Variants in SDC1 observed in about 807,000 individuals in gnomAD.
SDC1 encodes the protein syndecan-1.
A neutral mutation model predicts 29.7 loss-of-function variants in SDC1; 14 were observed. The observed-to-expected ratio is 0.47, with a 90% CI of 0.31 to 0.74. The LOEUF (loss-of-function observed/expected upper bound fraction) is 0.74. Among genes scored for constraint, SDC1 ranks in the 30% least tolerant of loss-of-function variants. The pLI, the probability that SDC1 is intolerant of heterozygous loss-of-function variation, is 0.05. For synonymous variants in SDC1, 204 were observed against 175.5 expected (o/e 1.16, Z -1.29); for missense variants, 406 against 400.3 (o/e 1.01, Z -0.12).
rs1470212547 is a variant in SDC1 at position 20,224,882 on chromosome 2, C to T, written c.-15G>A. 2 of 1,218,726 alleles carry T rather than the reference C, an allele frequency of 1.6e-6. No homozygotes were observed. The highest frequency in any genetic ancestry group is 2.0e-6 in the Non-Finnish European group (2 of 980,628). 75.5% of individuals were successfully genotyped at this position (1,218,726 alleles called of 1,614,324 possible). ...GCGCGCCTCATGCTGCCCGGACCGG[C>T]GGCGGGAGAGCGGCAGGCTGCGCGG... On this transcript the variant is annotated 5_prime_UTR_variant, in exon 1 of 5. Transcript: ENST00000254351. This position sits in a 1 kb window ranked among gnomAD's most constrained non-coding sequence, Gnocchi z 4.9.
chr2:20,209,762 C>T (rs566407961), intron 1 of SDC1, among the ~76,000 whole-genome samples: 1 of 152,382 alleles, frequency 6.6e-6, no homozygotes, highest in South Asian at 2.1e-4. Flanking sequence ...AGCCCCTTGT[C>T]CTGGCCAGCC....
rs189573954 is a variant in SDC1 at position 20,218,444 on chromosome 2, A to C, written c.66+6358T>G. 2.0e-5 allele frequency among the ~76,000 whole-genome samples: 3 copies of C among 152,326 alleles called. No individual in the cohort carries two copies. In the East Asian group the frequency reaches 5.8e-4, roughly 29 times the overall value. ...CCCAAAACTGAGACTGCAGCCTGAC[A>C]GGGGAAGGCAAGTCAGGAGTGCCCA... is the stretch of plus-strand genomic sequence containing the variant. On this transcript the variant is annotated intron_variant, in intron 1 of 4. Coordinates refer to ENST00000254351, the MANE Select transcript of SDC1 (RefSeq NM_002997.5).
At chr2:20,221,817 AGAGACTTAAACCGCTCCACC>A (rs1280447270) in intron 1 of SDC1, among the ~76,000 whole-genome samples, 1 of 152,152 alleles carries the variant, frequency 6.6e-6, no homozygotes, top group Non-Finnish European at 1.5e-5. Context: ...AGCCACAGGT[AGAGACTTAAACCGCTCCACC>A]CTCCCTGTAG....
rs1364238481 is a variant in SDC1, at chr2:20,204,212, C to T, written c.228G>A (p.Thr76=). The change falls in exon 3 of 5, where the codon ACG becomes ACA. Residue 76 remains threonine, a synonymous_variant. Transcript: ENST00000254351. The part of the protein sequence containing the change: ...KDTQLLTAIP[T]SPEPTGLEAT... ...CCTCCAGGCCGGTGGGTTCTGGAGA[C>T]GTGGGAATAGCCGTCAGGAGCTGCG... The T allele has an allele frequency of 1.3e-5, 20 of 1,597,732 alleles. No homozygotes were observed. Among genetic ancestry groups the T allele is most frequent in the Admixed American group, 1.7e-5 (1 of 59,748 alleles).
Position 20,224,968 on chromosome 2 carries a change from C to T in SDC1, c.-101G>A, listed in dbSNP as rs958621887. On this transcript the variant is annotated 5_prime_UTR_variant, in exon 1 of 5. Transcript: ENST00000254351. This position sits in a 1 kb window ranked among gnomAD's most constrained non-coding sequence, Gnocchi z 4.9. Reference sequence around the variant, plus strand: ...CTCGATGCTCTCTTGGGCGCCTGCCCAGCGCGCCGCTGTCCCAGGCGAGGG... The same window carrying T: ...CTCGATGCTCTCTTGGGCGCCTGCCTAGCGCGCCGCTGTCCCAGGCGAGGG... 2 of 1,182,126 alleles carry T rather than the reference C, an allele frequency of 1.7e-6. No individual in the cohort carries two copies. Among genetic ancestry groups the T allele is most frequent in the Non-Finnish European group, 2.1e-6 (2 of 955,684 alleles). The allele number at this position is 1,182,126 out of a possible 1,614,324, so 73.2% of individuals were successfully genotyped here.
chr2:20,209,469 G>A (rs1479588410), intron 1 of SDC1, among the ~76,000 whole-genome samples: 4 of 152,222 alleles, frequency 2.6e-5, no homozygotes, highest in Non-Finnish European at 4.4e-5. Flanking sequence ...GAGTTTCACT[G>A]AGCTGGAGTC....
At chr2:20,223,367 G>A in intron 1 of SDC1, 1 of 1,121,934 alleles carries the variant, frequency 8.9e-7, no homozygotes, top group South Asian at 1.3e-5. Flanking sequence ...GCTGAGACTT[G>A]TCCAGATGCC....
Position 20,204,276 on chromosome 2 carries a change from A to G in SDC1, c.164T>C (p.Ile55Thr), listed in dbSNP as rs745591068. ...SGSGAGALQD[I>T]TLSQQTPSTW... ...GGAGGGGGTCTGCTGTGACAAGGTG[A>G]TATCTTGCAAAGCACCTGCAGGACC... The change falls in exon 3 of 5, where the codon ATC (isoleucine) becomes ACC (threonine). Residue 55 changes from isoleucine (I) to threonine (T), a missense_variant. By Grantham distance (89) the Ile-to-Thr change is moderately conservative. Coordinates refer to ENST00000254351, the MANE Select transcript of SDC1 (RefSeq NM_002997.5). The G allele has an allele frequency of 1.5e-5, 23 of 1,519,366 alleles. No individual in the cohort carries two copies. The highest frequency in any genetic ancestry group is 6.7e-5 in the South Asian group (6 of 89,802). 94.1% of individuals were successfully genotyped at this position (1,519,366 alleles called of 1,614,324 possible).
rs1368561417 is a variant in SDC1, at chr2:20,203,883, G to A, written c.557C>T (p.Ser186Phe). 1 of 1,612,116 alleles carries A rather than the reference G, an allele frequency of 6.2e-7. No individual in the cohort carries two copies. The highest frequency in any genetic ancestry group is 2.2e-5 in the East Asian group (1 of 44,856). The part of the protein sequence containing the change: ...HTPHTEDGGP[S>F]ATERAAEDGA... The stretch of plus-strand genomic sequence containing the variant: ...ATCCTCAGCAGCCCTCTCGGTGGCA[G>A]AAGGACCTCCATCCTCTGTGTGGGG... The change falls in exon 3 of 5, where the codon TCT becomes TTT. Residue 186 changes from serine to phenylalanine, a missense_variant. Ser to Phe is a radical substitution (Grantham distance 155, BLOSUM62 -2). Coordinates refer to ENST00000254351, the MANE Select transcript of SDC1 (RefSeq NM_002997.5).
Position 20,202,721 on chromosome 2 carries a change from G to T in SDC1, c.*45C>A. On this transcript the variant is annotated 3_prime_UTR_variant, in exon 5 of 5. Transcript: ENST00000254351. Reference sequence around the variant, plus strand: ...CAGTTCTTCAAGGAAGAGGCAAGTGGGGGCCTAGTGAGTGGCAGGGCGGAG... The same window carrying T: ...CAGTTCTTCAAGGAAGAGGCAAGTGTGGGCCTAGTGAGTGGCAGGGCGGAG... 1 of 1,531,926 alleles carries T rather than the reference G, an allele frequency of 6.5e-7. No homozygotes were observed. The highest frequency in any genetic ancestry group is 1.3e-5 in the South Asian group (1 of 77,630). The allele number at this position is 1,531,926 out of a possible 1,614,324, so 94.9% of individuals were successfully genotyped here.
intron 2 of SDC1, among the ~76,000 whole-genome samples, chr2:20,204,989 C>G (rs1051494706): frequency 1.3e-5 from 2 of 152,242 alleles, no homozygotes; most frequent in Non-Finnish European, 2.9e-5. Flanking sequence ...TCCCATTTTG[C>G]AGATGAGAAA....
chr2:20,225,064 G>T lies in SDC1; in HGVS notation c.-197C>A. 1.7e-6 allele frequency: 1 copy of T among 574,050 alleles called. No homozygotes were observed. Among genetic ancestry groups the T allele is most frequent in the African/African-American group, 2.0e-5 (1 of 50,660 alleles). 35.6% of individuals were successfully genotyped at this position (574,050 alleles called of 1,614,324 possible). On this transcript the variant is annotated 5_prime_UTR_variant, in exon 1 of 5. Transcript: ENST00000254351. ...TCTCCGCTCGGCTCGGATTCGGCCC[G>T]CACCTCTCCCGCCGAGCTCCGCCTT...
intron 1 of SDC1, chr2:20,207,935 T>C (rs1040445711): frequency 3.0e-6 from 3 of 985,108 alleles, no homozygotes; most frequent in East Asian, 1.1e-4. Flanking sequence ...ACTGGGATCA[T>C]GGCTTCACTC....
intron 1 of SDC1, among the ~76,000 whole-genome samples, chr2:20,207,752 C>G (rs966052295): frequency 4.0e-5 from 6 of 151,778 alleles, no homozygotes; most frequent in South Asian, 2.1e-4. Context: ...ATGCTCCCCC[C>G]GCCTCCACAC....
At chr2:20,203,296 C>G (rs1380256546) in intron 3 of SDC1, 74 bp from the exon 4 acceptor site, 7 of 1,503,052 alleles carry the variant, frequency 4.7e-6, no homozygotes, top group Admixed American at 1.9e-5. Flanking sequence ...CTACAAGACC[C>G]AGAAGCAGCT....
intron 1 of SDC1, among the ~76,000 whole-genome samples, chr2:20,211,333 G>A (rs374558175): frequency 1.6e-4 from 24 of 152,334 alleles, no homozygotes; most frequent in African/African-American, 2.4e-4. Flanking sequence ...GCAAGAGCTC[G>A]TTTCACTTGA....
At chr2:20,216,905 C>G (rs1046608409) in intron 1 of SDC1, among the ~76,000 whole-genome samples, 1 of 152,348 alleles carries the variant, frequency 6.6e-6, no homozygotes, top group East Asian at 1.9e-4. Context: ...AGAAGATCCA[C>G]AGAGAGAGCC....
At chr2:20,206,551 A>G (rs1457440187) in intron 1 of SDC1, among the ~76,000 whole-genome samples, 1 of 152,158 alleles carries the variant, frequency 6.6e-6, no homozygotes, top group East Asian at 1.9e-4. Context: ...TGAGAGCCCT[A>G]TTCACCTGCG....
In SDC1 at chr2:20,202,345, G is replaced by C. The variant is rs772985895; in HGVS notation, c.*421C>G. 206 of 768,030 alleles carry C rather than the reference G, an allele frequency of 2.7e-4. 2 individuals are homozygous for C. The highest frequency in any genetic ancestry group is 3.1e-5 in the Non-Finnish European group (13 of 413,676). 47.6% of individuals were successfully genotyped at this position (768,030 alleles called of 1,614,324 possible). On this transcript the variant is annotated 3_prime_UTR_variant, in exon 5 of 5. Transcript: ENST00000254351. ...CAGCGGCCACCCCCCCAAGATGCTTGGTCCTACCAGTAAGTGCTACAGGTG... is the reference window on the plus strand; with the variant it reads ...CAGCGGCCACCCCCCCAAGATGCTTCGTCCTACCAGTAAGTGCTACAGGTG...
Sources: allele counts gnomAD v4.1 joint callset (sites outside exome capture counted in the v4.1 genomes callset), GRCh38; gene constraint gnomAD v4.1.1; non-coding constraint Gnocchi (gnomAD v3.1); transcripts MANE v1.5; gene names NCBI Gene and HGNC (gene_info 2026-07-23, HGNC 2026-07-21).